CLEC20A: variants seen among roughly 807,000 people sequenced by gnomAD.
The protein encoded by CLEC20A is putative C-type lectin domain family 20 member A.
chr1:178,495,591 G>A lies in CLEC20A; in HGVS notation c.41-781C>T, dbSNP rs536835307. On this transcript the variant is annotated intron_variant, in intron 1 of 7. Transcript: ENST00000623247. Reference sequence around the variant, plus strand: ...TAGGCAACTTAGGAGCAAAGAACGAGCCTCATTCATTATATTCCCAGGGCC... The same window carrying A: ...TAGGCAACTTAGGAGCAAAGAACGAACCTCATTCATTATATTCCCAGGGCC... Among the ~76,000 whole-genome samples, 42 of 152,210 alleles carry A rather than the reference G, an allele frequency of 2.8e-4. No homozygotes were observed. In the South Asian group the frequency reaches 3.5e-3, roughly 13 times the overall value.
chr1:178,487,580 A>AG (rs770348729), intron 5 of CLEC20A, among the ~76,000 whole-genome samples: 3 of 152,140 alleles, frequency 2.0e-5, no homozygotes, highest in African/African-American at 4.8e-5. Context: ...GGACAATTAC[A>AG]GGGGGGGATG....
At chr1:178,486,916 G>T in intron 5 of CLEC20A, 1 of 397,930 alleles carries the variant, frequency 2.5e-6, no homozygotes, top group Non-Finnish European at 4.4e-6. Context: ...GGGCTGGAGG[G>T]CCGCTGGGCC....
At chr1:178,481,624 CA>C (rs1648988631) in intron 7 of CLEC20A, 1 of 152,170 alleles carries the variant, frequency 6.6e-6, no homozygotes, top group South Asian at 2.1e-4. Context: ...AAGTCTGGAA[CA>C]AATGTATATT....
At chr1:178,484,974 C>T (rs932587161) in intron 5 of CLEC20A, among the ~76,000 whole-genome samples, 1 of 152,102 alleles carries the variant, frequency 6.6e-6, no homozygotes, top group African/African-American at 2.4e-5. Context: ...GCCTCTTTCC[C>T]CACCCAAAGC....
At position 178,485,732 on chromosome 1, in the gene CLEC20A, A is replaced by G. The variant is rs571339099; in HGVS notation, c.929-2450T>C. 1.8e-4 allele frequency among the ~76,000 whole-genome samples: 28 copies of G among 152,342 alleles called. 1 individual carries two copies. Among genetic ancestry groups the G allele is most frequent in the African/African-American group, 6.7e-4 (28 of 41,574 alleles). On this transcript the variant is annotated intron_variant, in intron 5 of 7. Coordinates refer to ENST00000623247, the Ensembl canonical transcript of CLEC20A. ...CCTTCTTCAAAACAAGTACTCAGGA[A>G]ATTATCGTCCAATTAAATCATCTAC...
chr1:178,493,362 G>A (rs564217789), intron 2 of CLEC20A: 4 of 152,416 alleles, frequency 2.6e-5, no homozygotes, highest in Non-Finnish European at 5.9e-5. Flanking sequence ...GGCCATGTTG[G>A]GCACATGTTG....
At chr1:178,484,291 A>C (rs987663005) in intron 5 of CLEC20A, 5 of 152,244 alleles carry the variant, frequency 3.3e-5, no homozygotes, top group African/African-American at 1.2e-4. Flanking sequence ...TGGTAGCCCC[A>C]GTCGGCATAC....
At chr1:178,486,723 CT>C (rs1649155786) in intron 5 of CLEC20A, 1 of 397,962 alleles carries the variant, frequency 2.5e-6, no homozygotes, top group Admixed American at 4.4e-5. Context: ...CAGTTACTTC[CT>C]GGGGGACAGA....
chr1:178,486,435 T>A (rs1469216605), intron 5 of CLEC20A: 1 of 398,540 alleles, frequency 2.5e-6, no homozygotes, highest in African/African-American at 2.1e-5. Context: ...GACAGGCACC[T>A]GTTTGGGGCC....
chr1:178,489,825 A>G (rs1214132511), intron 4 of CLEC20A, among the ~76,000 whole-genome samples: 1 of 152,192 alleles, frequency 6.6e-6, no homozygotes, highest in Admixed American at 6.5e-5. Flanking sequence ...GCTAATTGCC[A>G]CTGCCCTAAG....
upstream of CLEC20A, among the ~76,000 whole-genome samples, chr1:178,497,812 T>G (rs998253013): frequency 6.6e-6 from 1 of 152,202 alleles, no homozygotes; most frequent in African/African-American, 2.4e-5. Context: ...TGGTAATTAA[T>G]AAGCAGATCG....
intron 6 of CLEC20A, 119 bp downstream of exon 6, chr1:178,483,056 C>G (rs1649032244): frequency 5.1e-6 from 2 of 395,924 alleles, no homozygotes; most frequent in African/African-American, 2.1e-5. Context: ...TATCCCTATT[C>G]CCAACATTTC....
intron 1 of CLEC20A, 47 bp downstream of exon 1, chr1:178,496,853 G>A (rs2473830): frequency 0.062 from 24,751 of 398,656 alleles, 881 homozygotes; most frequent in East Asian, 0.12. Flanking sequence ...CCTCTAGCCC[G>A]GGGGAGCATG....
intron 7 of CLEC20A, chr1:178,480,038 G>C (rs1309898254): frequency 6.7e-6 from 1 of 149,956 alleles, no homozygotes; most frequent in Non-Finnish European, 1.5e-5. Context: ...CTTGCCAGGG[G>C]ATTCCGAAGA....
chr1:178,489,765 A>C (rs1649229995), intron 4 of CLEC20A, among the ~76,000 whole-genome samples: 1 of 152,214 alleles, frequency 6.6e-6, no homozygotes, highest in Non-Finnish European at 1.5e-5. Context: ...GTAAAGTCTG[A>C]TTCCAAAGCC....
At chr1:178,492,552 G>T (rs1251159811) in exon 3 of CLEC20A, 5 of 398,492 alleles carry the variant, frequency 1.3e-5, no homozygotes, top group African/African-American at 4.1e-5. Flanking sequence ...GAGATGAGGT[G>T]CCCGACGTCA....
exon 4 of CLEC20A, chr1:178,490,229 C>G: frequency 2.5e-6 from 1 of 398,772 alleles, no homozygotes; most frequent in Non-Finnish European, 4.4e-6. Context: ...TGGACCAGCT[C>G]AGAGATCCGG....
intron 4 of CLEC20A, among the ~76,000 whole-genome samples, chr1:178,488,971 G>A (rs575334617): frequency 6.9e-6 from 1 of 145,968 alleles, no homozygotes; most frequent in African/African-American, 2.5e-5. Context: ...TCTTTGAGGT[G>A]GGGGGGGCGG....
intron 7 of CLEC20A, 177 bp from the exon 8 acceptor site, chr1:178,479,792 A>T (rs1303278631): frequency 2.6e-6 from 1 of 379,942 alleles, no homozygotes; most frequent in African/African-American, 2.1e-5. Flanking sequence ...AAAATACATA[A>T]ATTAATTTTG....
Sources: gnomAD v4.1 joint callset for allele counts (sites outside exome capture counted in the v4.1 genomes callset) on GRCh38, gnomAD v4.1.1 for gene constraint, MANE v1.5 for transcripts, NCBI Gene and HGNC (gene_info 2026-07-23, HGNC 2026-07-21) for gene names.